The following TNFRSF19 variants were observed in gnomAD, a reference collection of about 807,000 sequenced individuals.
The protein encoded by TNFRSF19 is TNF receptor superfamily member 19, also known as tumor necrosis factor receptor superfamily member 19.
A neutral mutation model predicts 46.4 loss-of-function variants in TNFRSF19; 27 were observed. That is an observed-to-expected ratio of 0.58 (90% CI 0.43 to 0.80). The LOEUF (loss-of-function observed/expected upper bound fraction) is 0.80. Among genes scored for constraint, TNFRSF19 ranks in the 30% least tolerant of loss-of-function variants. The pLI is 0.00. For synonymous variants in TNFRSF19, 204 were observed against 205.0 expected (o/e 1.00, Z 0.04); for missense variants, 511 against 530.8 (o/e 0.96, Z 0.37).
chr13:23,607,298 G>T (rs186675282), intron 3 of TNFRSF19, among the ~76,000 whole-genome samples: 24 of 152,198 alleles, frequency 1.6e-4, no homozygotes, highest in Admixed American at 3.3e-4. Flanking sequence ...GCCAGGTGTG[G>T]TGGTGGGCGC....
At chr13:23,626,958 T>G (rs934716570) in intron 5 of TNFRSF19, among the ~76,000 whole-genome samples, 166 bp downstream of exon 5, 16 of 152,226 alleles carry the variant, frequency 1.1e-4, no homozygotes, top group Non-Finnish European at 2.9e-5. Context: ...AAAGTCCCTT[T>G]GTTCTGTGCC....
rs76367133 is a variant in TNFRSF19 at position 23,631,288 on chromosome 13, A to G, written c.445+4496A>G. On this transcript the variant is annotated intron_variant, in intron 5 of 9. Transcript: ENST00000248484. ...ATTTGCAGCATTGATCATTACAAAAACAAAGCATTCTAAGGGTTTTCTTTT... is the reference window on the plus strand; with the variant it reads ...ATTTGCAGCATTGATCATTACAAAAGCAAAGCATTCTAAGGGTTTTCTTTT... Among the ~76,000 whole-genome samples the G allele has an allele frequency of 6.2e-3, 952 of 152,338 alleles. 9 individuals are homozygous for G. Among genetic ancestry groups the G allele is most frequent in the African/African-American group, 0.022 (911 of 41,564 alleles).
intron 5 of TNFRSF19, among the ~76,000 whole-genome samples, chr13:23,627,822 C>G (rs1418469066): frequency 1.3e-5 from 2 of 152,198 alleles, no homozygotes; most frequent in Admixed American, 6.5e-5. Flanking sequence ...TAGTACTTCT[C>G]TTTCCAAGAG....
intron 4 of TNFRSF19, among the ~76,000 whole-genome samples, chr13:23,621,976 A>G (rs1207068561): frequency 1.3e-5 from 2 of 151,334 alleles, no homozygotes; most frequent in Admixed American, 6.6e-5. Flanking sequence ...ATGAAGAAGC[A>G]AGCAGACCAG....
chr13:23,664,927 C>T (rs890356579), intron 7 of TNFRSF19, among the ~76,000 whole-genome samples: 4 of 152,172 alleles, frequency 2.6e-5, no homozygotes, highest in African/African-American at 9.7e-5. Context: ...TATAAACTTC[C>T]AGGACCACTA....
chr13:23,625,902 C>T (rs2138288055), intron 4 of TNFRSF19, among the ~76,000 whole-genome samples: 1 of 152,162 alleles, frequency 6.6e-6, no homozygotes, highest in Middle Eastern at 3.4e-3. Context: ...TGAAGTTAAA[C>T]ATTTTCATCT....
Position 23,570,489 on chromosome 13 carries a change from A to C in TNFRSF19, c.-394A>C, listed in dbSNP as rs1194459216. ...AGCTACAGATCCAGCCACTCAGCCC[A>C]AGCATGGGAGAACTACCAGCATTGC... is the stretch of plus-strand genomic sequence containing the variant. On this transcript the variant is annotated 5_prime_UTR_variant, in exon 1 of 10. Coordinates refer to ENST00000248484, the MANE Select transcript of TNFRSF19 (RefSeq NM_148957.4). 6.6e-6 allele frequency: 1 copy of C among 152,346 alleles called. No homozygotes were observed. Among genetic ancestry groups the C allele is most frequent in the Non-Finnish European group, 1.5e-5 (1 of 68,120 alleles). The allele number at this position is 152,346 out of a possible 1,614,324, so 9.4% of individuals were successfully genotyped here.
In TNFRSF19 at chr13:23,659,575, C is replaced by G. The variant is rs1404682602; in HGVS notation, c.610+361C>G. On this transcript the variant is annotated intron_variant, in intron 6 of 9. Transcript: ENST00000248484. The surrounding 1 kb of genome is among the most constrained non-coding windows in gnomAD (Gnocchi z 4.9). ...AGGCTGGAGGGCAGTGGCGTGACTT[C>G]AGCTCATGGCAACCTCTGCCTCCCG... Among the ~76,000 whole-genome samples, 2 of 152,108 alleles carry G rather than the reference C, an allele frequency of 1.3e-5. No homozygotes were observed. Among genetic ancestry groups the G allele is most frequent in the Non-Finnish European group, 2.9e-5 (2 of 68,012 alleles).
chr13:23,619,469 A>C (rs544663603), intron 4 of TNFRSF19, among the ~76,000 whole-genome samples: 1 of 152,064 alleles, frequency 6.6e-6, no homozygotes, highest in East Asian at 1.9e-4. Flanking sequence ...ATGGTTGTAC[A>C]ACTCTGTGAA....
chr13:23,578,147 A>G (rs1172233399), intron 1 of TNFRSF19, among the ~76,000 whole-genome samples: 1 of 152,154 alleles, frequency 6.6e-6, no homozygotes, highest in African/African-American at 2.4e-5. Flanking sequence ...AAACAGATAA[A>G]GAAGTTCAGC....
Position 23,584,550 on chromosome 13 carries a change from CTCTT to C in TNFRSF19, c.-34-5598_-34-5595del, listed in dbSNP as rs1308659002. Among the ~76,000 whole-genome samples, 8 of 150,476 alleles carry C rather than the reference CTCTT, an allele frequency of 5.3e-5. No individual in the cohort carries two copies. In the East Asian group the frequency reaches 1.6e-3, roughly 29 times the overall value. On this transcript the variant is annotated intron_variant, in intron 1 of 9. Coordinates refer to ENST00000248484, the MANE Select transcript of TNFRSF19 (RefSeq NM_148957.4). ...GCTATAAAAATGTGTGTGCAAGTAT[CTCTT>C]TTGTATAATGACTTCTTTTCTCCTG...
rs112592027 is a variant in TNFRSF19, at chr13:23,603,268, G to A, written c.180+9813G>A. 6.4e-3 allele frequency among the ~76,000 whole-genome samples: 972 copies of A among 152,146 alleles called. 12 individuals are homozygous for A. The highest frequency in any genetic ancestry group is 0.022 in the African/African-American group (932 of 41,550). On this transcript the variant is annotated intron_variant, in intron 3 of 9. Coordinates refer to ENST00000248484, the MANE Select transcript of TNFRSF19 (RefSeq NM_148957.4). ...TCCTTGAAAGACGCAGTCTGACAAA[G>A]CTCACACAAGAAGAAATCCACAGTC...
At chr13:23,652,339 C>T (rs1194470427) in intron 5 of TNFRSF19, among the ~76,000 whole-genome samples, 1 of 152,168 alleles carries the variant, frequency 6.6e-6, no homozygotes, top group Non-Finnish European at 1.5e-5. Flanking sequence ...TACCAAAGCA[C>T]TTGTGTTGGA....
At chr13:23,611,793 A>T (rs150211734) in intron 3 of TNFRSF19, among the ~76,000 whole-genome samples, 49 of 152,368 alleles carry the variant, frequency 3.2e-4, no homozygotes, top group Non-Finnish European at 6.3e-4. Context: ...ATACAAATGC[A>T]GTGGGCCAAA....
chr13:23,599,549 T>C (rs9550989), intron 3 of TNFRSF19, among the ~76,000 whole-genome samples: 38,237 of 152,020 alleles, frequency 0.25, 5,410 homozygotes, highest in African/African-American at 0.38. Flanking sequence ...GGAAGGGGGA[T>C]TCCAGGTCAC....
At position 23,659,086 on chromosome 13, in the gene TNFRSF19, C is replaced by T. The variant is rs139502219; in HGVS notation, c.482C>T (p.Thr161Met). Residue 161 changes from threonine to methionine, a missense_variant, in exon 6 of 10, where the codon ACG (threonine) becomes ATG (methionine). This residue lies in a region of TNFRSF19 where 376 missense variants were observed against 372.7 expected (regional missense o/e 1.01). Transcript: ENST00000248484. The surrounding 1 kb of genome is among the most constrained non-coding windows in gnomAD (Gnocchi z 4.9). ...GTCAACCTCGTGAAGATCGCGTCCA[C>T]GGCCTCCAGCCCACGGGACACGGCG... ...SKVNLVKIAS[T>M]ASSPRDTALA... The T allele has an allele frequency of 5.5e-5, 88 of 1,613,896 alleles. No individual in the cohort carries two copies. The highest frequency in any genetic ancestry group is 4.3e-5 in the Non-Finnish European group (51 of 1,180,022).
intron 3 of TNFRSF19, among the ~76,000 whole-genome samples, chr13:23,607,674 G>T (rs1311562642): frequency 6.6e-6 from 1 of 152,038 alleles, no homozygotes; most frequent in Non-Finnish European, 1.5e-5. Context: ...TTTTTTAGTA[G>T]GCCATTAGCA....
In TNFRSF19 at chr13:23,590,002, C is replaced by G. The variant is rs1461319638; in HGVS notation, c.-34-148C>G. ...TATAAAATAATTATATATTATTTGTCTTTTTTCTTTTTTAAAGGTGGTTTC... is the reference window on the plus strand; with the variant it reads ...TATAAAATAATTATATATTATTTGTGTTTTTTCTTTTTTAAAGGTGGTTTC... On this transcript the variant is annotated intron_variant, in intron 1 of 9. Coordinates refer to ENST00000248484, the MANE Select transcript of TNFRSF19 (RefSeq NM_148957.4). 4.8e-5 allele frequency: 18 copies of G among 374,614 alleles called. No homozygotes were observed. The East Asian group carries it at 8.2e-4, about 17-fold the overall frequency. The allele number at this position is 374,614 out of a possible 1,614,324, so 23.2% of individuals were successfully genotyped here.
intron 3 of TNFRSF19, among the ~76,000 whole-genome samples, chr13:23,596,049 C>G (rs1593241665): frequency 6.6e-6 from 1 of 152,182 alleles, no homozygotes; most frequent in Non-Finnish European, 1.5e-5. Context: ...CCTTTACAGA[C>G]AAGCAAATGC....
Sources: gnomAD v4.1 joint callset for allele counts (sites outside exome capture counted in the v4.1 genomes callset) on GRCh38, gnomAD v4.1.1 for gene constraint, gnomAD v4.1.1 regional missense constraint, Gnocchi (gnomAD v3.1) non-coding constraint, MANE v1.5 for transcripts, NCBI Gene and HGNC (gene_info 2026-07-23, HGNC 2026-07-21) for gene names.